Variants in SLIT3 observed in about 807,000 individuals in gnomAD.
SLIT3 encodes slit guidance ligand 3.
Under a neutral mutation model 184.0 loss-of-function variants are expected in SLIT3, and 68 were observed. That is an observed-to-expected ratio of 0.37 (90% CI 0.30 to 0.45). The LOEUF is 0.45. Ranked by LOEUF, SLIT3 falls within the 20% of genes least tolerant of loss-of-function variation. The pLI is 1.00. For synonymous variants in SLIT3, 831 were observed against 828.6 expected (o/e 1.00, Z -0.05); for missense variants, 1,707 against 2,026.0 (o/e 0.84, Z 3.02).
At chr5:169,083,639 A>G (rs1366074383) in intron 4 of SLIT3, among the ~76,000 whole-genome samples, 1 of 152,214 alleles carries the variant, frequency 6.6e-6, no homozygotes, top group Non-Finnish European at 1.5e-5. Flanking sequence ...ATATGCACTC[A>G]ATCTGGGCTC....
At chr5:169,247,206 A>G (rs974737310) in intron 2 of SLIT3, among the ~76,000 whole-genome samples, 5 of 141,992 alleles carry the variant, frequency 3.5e-5, no homozygotes, top group African/African-American at 1.3e-4. Context: ...ACAGAGCAAG[A>G]CTCTGTCTCA....
intron 20 of SLIT3, among the ~76,000 whole-genome samples, chr5:168,736,739 A>AGTGCCTGGGCTTGCCTCCTCCC (rs1561901574): frequency 1.8e-4 from 27 of 151,714 alleles, no homozygotes; most frequent in African/African-American, 5.8e-4. Flanking sequence ...TGCAATGCAG[A>AGTGCCTGGGCTTGCCTCCTCCC]TGTCAGTTTT....
At chr5:169,070,298 G>T (rs1758497882) in intron 4 of SLIT3, among the ~76,000 whole-genome samples, 1 of 152,182 alleles carries the variant, frequency 6.6e-6, no homozygotes, top group African/African-American at 2.4e-5. Flanking sequence ...ACTGGGTGGA[G>T]ATTTCCTCTG....
At chr5:169,057,176 T>C (rs765039821) in intron 4 of SLIT3, among the ~76,000 whole-genome samples, 9 of 152,036 alleles carry the variant, frequency 5.9e-5, no homozygotes, top group Non-Finnish European at 8.8e-5. Context: ...CCTAGGGAAG[T>C]TGAGAAGGAG....
intron 4 of SLIT3, among the ~76,000 whole-genome samples, chr5:169,164,840 G>A (rs889814055): frequency 2.0e-5 from 3 of 152,238 alleles, no homozygotes; most frequent in Middle Eastern, 3.2e-3. Context: ...AGGCTGCCCT[G>A]CTGGGGTGGC....
intron 4 of SLIT3, among the ~76,000 whole-genome samples, chr5:169,072,192 T>C (rs2113128563): frequency 6.6e-6 from 1 of 152,286 alleles, no homozygotes; most frequent in East Asian, 1.9e-4. Context: ...GTAGTGTCCA[T>C]GCATGTAAGA....
intron 4 of SLIT3, among the ~76,000 whole-genome samples, chr5:169,185,219 G>A (rs2113451326): frequency 6.6e-6 from 1 of 152,308 alleles, no homozygotes; most frequent in Middle Eastern, 3.4e-3. Flanking sequence ...CACAAGGCTG[G>A]CCTCACTGCA....
At chr5:168,714,135 T>C (rs1368548569) in intron 23 of SLIT3, among the ~76,000 whole-genome samples, 2 of 152,210 alleles carry the variant, frequency 1.3e-5, no homozygotes, top group African/African-American at 4.8e-5. Context: ...GTGTTCACGA[T>C]AGCTTCTCAC....
chr5:168,771,692 G>T (rs1016646524), intron 14 of SLIT3, among the ~76,000 whole-genome samples: 1 of 152,156 alleles, frequency 6.6e-6, no homozygotes, highest in Non-Finnish European at 1.5e-5. Context: ...CCCTCCCAAG[G>T]TATTAGTTTC....
At chr5:169,135,741 G>A (rs1032375162) in intron 4 of SLIT3, among the ~76,000 whole-genome samples, 11 of 152,166 alleles carry the variant, frequency 7.2e-5, no homozygotes, top group Non-Finnish European at 1.5e-5. Context: ...GACAGAACTA[G>A]GCAATCTCCA....
At chr5:169,049,955 G>T (rs1017221602) in intron 4 of SLIT3, among the ~76,000 whole-genome samples, 8 of 152,216 alleles carry the variant, frequency 5.3e-5, no homozygotes, top group African/African-American at 1.9e-4. Flanking sequence ...ATGAGACTTG[G>T]ACACTGGTTT....
chr5:169,061,720 A>G (rs1340120929), intron 4 of SLIT3, among the ~76,000 whole-genome samples: 1 of 152,240 alleles, frequency 6.6e-6, no homozygotes, highest in Non-Finnish European at 1.5e-5. Flanking sequence ...GGACTAGGAC[A>G]ACGATGAAGC....
At chr5:168,916,419 A>G (rs932915993) in intron 4 of SLIT3, among the ~76,000 whole-genome samples, 7 of 152,230 alleles carry the variant, frequency 4.6e-5, no homozygotes, top group Non-Finnish European at 8.8e-5. Context: ...AGGCATCAGG[A>G]CCCAGAGAAG....
chr5:168,829,307 T>C (rs545528352), intron 6 of SLIT3, among the ~76,000 whole-genome samples: 8 of 152,372 alleles, frequency 5.3e-5, no homozygotes, highest in African/African-American at 1.4e-4. Context: ...TCTGTGAGCA[T>C]GTATCACATA....
intron 6 of SLIT3, among the ~76,000 whole-genome samples, chr5:168,839,254 T>C (rs998295214): frequency 5.3e-5 from 8 of 152,114 alleles, no homozygotes; most frequent in Non-Finnish European, 1.0e-4. Context: ...GCCAAGCACC[T>C]GCTCACTTCA....
intron 5 of SLIT3, among the ~76,000 whole-genome samples, chr5:168,857,425 T>C (rs1226835970): frequency 1.3e-5 from 2 of 152,134 alleles, no homozygotes; most frequent in Middle Eastern, 3.2e-3. Context: ...TGTGATTTAG[T>C]GGAAAAATAA....
chr5:168,950,470 C>G (rs1368970059), intron 4 of SLIT3, among the ~76,000 whole-genome samples: 1 of 152,202 alleles, frequency 6.6e-6, no homozygotes, highest in Non-Finnish European at 1.5e-5. Flanking sequence ...GAAGGCCAGT[C>G]AATACTTTAG....
intron 4 of SLIT3, among the ~76,000 whole-genome samples, chr5:168,905,826 A>G (rs1036364380): frequency 1.3e-5 from 2 of 152,202 alleles, no homozygotes; most frequent in African/African-American, 2.4e-5. Flanking sequence ...AGAAGGAAAT[A>G]TTTAGGCACA....
chr5:168,666,406 A>G lies in SLIT3; in HGVS notation c.*48T>C, dbSNP rs1561863325. ...CAGGGGGTCCCACATGGCTGTCCCA[A>G]CTCCATCAAGCTGGAGTCCGAGAGG... is the stretch of plus-strand genomic sequence containing the variant. On this transcript the variant is annotated 3_prime_UTR_variant, in exon 36 of 36. Transcript: ENST00000519560. 5 of 1,496,990 alleles carry G rather than the reference A, an allele frequency of 3.3e-6. No homozygotes were observed. Among genetic ancestry groups the G allele is most frequent in the South Asian group, 1.4e-5 (1 of 73,276 alleles). 92.7% of individuals were successfully genotyped at this position (1,496,990 alleles called of 1,614,324 possible). A position where few individuals can be genotyped will look rare whatever the true frequency, so the allele number is the denominator to read the frequency against.
Sources: allele counts gnomAD v4.1 joint callset (sites outside exome capture counted in the v4.1 genomes callset), GRCh38; gene constraint gnomAD v4.1.1; transcripts MANE v1.5; gene names NCBI Gene and HGNC (gene_info 2026-07-23, HGNC 2026-07-21).